The following ELAPOR2 variants were observed in gnomAD, a reference collection of about 807,000 sequenced individuals.
ELAPOR2 encodes the protein endosome-lysosome associated apoptosis and autophagy regulator family member 2.
ELAPOR2 carries 89 observed loss-of-function variants against 120.7 expected under a neutral mutation model. The ratio of observed to expected loss-of-function variants is 0.74; its 90% CI spans 0.62 to 0.88. ELAPOR2 has a LOEUF of 0.88. Ranked by LOEUF, ELAPOR2 falls within the 40% of genes least tolerant of loss-of-function variation. The pLI, the probability that ELAPOR2 is intolerant of heterozygous loss-of-function variation, is 0.00. For missense variants in ELAPOR2, 1,134 were observed against 1,251.6 expected, an observed-to-expected ratio of 0.91 and a Z score of 1.42; for synonymous variants, 444 against 444.9, an observed-to-expected ratio of 1.00 and a Z score of 0.03.
chr7:86,893,692 T>A (rs577774658), intron 19 of ELAPOR2, among the ~76,000 whole-genome samples: 1 of 152,152 alleles, frequency 6.6e-6, no homozygotes, highest in East Asian at 1.9e-4. Flanking sequence ...AAGGAGGGCA[T>A]TATTCTGGGT....
intron 1 of ELAPOR2, among the ~76,000 whole-genome samples, chr7:87,029,697 A>G (rs1794366916): frequency 6.6e-6 from 1 of 152,192 alleles, no homozygotes; most frequent in South Asian, 2.1e-4. Flanking sequence ...GCTTGTTCAA[A>G]TTATTCAAAT....
At chr7:86,937,606 G>T (rs1023635382) in intron 8 of ELAPOR2, among the ~76,000 whole-genome samples, 10 of 152,028 alleles carry the variant, frequency 6.6e-5, no homozygotes, top group African/African-American at 2.2e-4. Flanking sequence ...ACAGTAATCT[G>T]CCATAACCGA....
At chr7:86,955,590 A>G (rs536085329) in intron 2 of ELAPOR2, among the ~76,000 whole-genome samples, 2 of 152,258 alleles carry the variant, frequency 1.3e-5, no homozygotes, top group East Asian at 3.9e-4. Context: ...TTAAGAAGAT[A>G]TATTAGTATT....
chr7:86,974,783 TA>T lies in ELAPOR2; in HGVS notation c.190-9760del, dbSNP rs200333446. On this transcript the variant is annotated intron_variant, in intron 1 of 21. Transcript: ENST00000450689. ...TTCAGTTAACTGCTTTGCCAAGACA[TA>T]AAAAAAAATTCATATTTCTCCTTAC... 2.4e-4 allele frequency among the ~76,000 whole-genome samples: 36 copies of T among 151,602 alleles called. 1 individual carries two copies. The highest frequency in any genetic ancestry group is 4.2e-4 in the South Asian group (2 of 4,794).
chr7:87,059,227 A>T, intron 1 of ELAPOR2, 98 bp downstream of exon 1: 1 of 1,230,782 alleles, frequency 8.1e-7, no homozygotes, highest in Non-Finnish European at 1.0e-6. Flanking sequence ...GCAAAGGAAA[A>T]GGGGATGGCA....
chr7:86,905,795 A>G (rs954977640), intron 18 of ELAPOR2, among the ~76,000 whole-genome samples: 1 of 152,142 alleles, frequency 6.6e-6, no homozygotes, highest in African/African-American at 2.4e-5. Flanking sequence ...TTAAATAGAT[A>G]CCCCAAGGTA....
At position 87,012,215 on chromosome 7, in the gene ELAPOR2, T is replaced by G. The variant is rs542597658; in HGVS notation, c.189+47110A>C. Among the ~76,000 whole-genome samples the G allele has an allele frequency of 4.9e-4, 74 of 152,220 alleles. No individual in the cohort carries two copies. The South Asian group carries it at 5.0e-3, about 10-fold the overall frequency. ...TCACAAGGTCAGGAGATTGAGACCA[T>G]CCTGGCCAACATGGTGAAACCCTGT... is the stretch of plus-strand genomic sequence containing the variant. On this transcript the variant is annotated intron_variant, in intron 1 of 21. Coordinates refer to ENST00000450689, the MANE Select transcript of ELAPOR2 (RefSeq NM_001142749.3).
Position 86,947,908 on chromosome 7 carries a change from A to G in ELAPOR2, c.325T>C (p.Ser109Pro). ...RGKECTFSCA[S>P]GEYLEMKNQV... ...TTCTTCATTTCTAGATACTCTCCAGAAGCACAGGAGAAAGCTGGAAGGCAG... is the reference window on the plus strand; with the variant it reads ...TTCTTCATTTCTAGATACTCTCCAGGAGCACAGGAGAAAGCTGGAAGGCAG... The change falls in exon 3 of 22, where the codon TCT becomes CCT. Residue 109 changes from serine to proline, a missense_variant. Around this residue, in one of 3 missense-constraint regions of ELAPOR2, gnomAD observed 280 missense variants for 331.5 expected, o/e 0.84. Transcript: ENST00000450689. 6.4e-7 allele frequency: 1 copy of G among 1,551,602 alleles called. No individual in the cohort carries two copies. Among genetic ancestry groups the G allele is most frequent in the Non-Finnish European group, 8.7e-7 (1 of 1,146,614 alleles).
chr7:87,021,218 T>C (rs1425781036), intron 1 of ELAPOR2, among the ~76,000 whole-genome samples: 2 of 152,094 alleles, frequency 1.3e-5, no homozygotes, highest in Non-Finnish European at 2.9e-5. Context: ...AAAGAATCCA[T>C]GATCTCTGTA....
rs1795376494 is a variant in ELAPOR2 at position 87,059,632 on chromosome 7, C to T, written c.-119G>A. On this transcript the variant is annotated 5_prime_UTR_variant, in exon 1 of 22. Coordinates refer to ENST00000450689, the MANE Select transcript of ELAPOR2 (RefSeq NM_001142749.3). ...CGTCTCGCCGCTCCGTCACCCGCTG[C>T]CCGTCCGCCCGCTGACAGCTCTGCT... 15 of 1,043,148 alleles carry T rather than the reference C, an allele frequency of 1.4e-5. No individual in the cohort carries two copies. The highest frequency in any genetic ancestry group is 5.2e-5 in the Admixed American group (1 of 19,280). 64.6% of individuals were successfully genotyped at this position (1,043,148 alleles called of 1,614,324 possible).
intron 10 of ELAPOR2, chr7:86,919,741 C>G (rs944581855): frequency 6.5e-6 from 1 of 152,964 alleles, no homozygotes; most frequent in Non-Finnish European, 1.5e-5. Flanking sequence ...AATTTAACCC[C>G]TGTTCTGCAT....
chr7:86,974,037 A>G (rs1336568784), intron 1 of ELAPOR2, among the ~76,000 whole-genome samples: 1 of 152,038 alleles, frequency 6.6e-6, no homozygotes, highest in African/African-American at 2.4e-5. Context: ...GGGTAATAGT[A>G]ATTTTCTTTT....
chr7:86,911,763 G>T, intron 15 of ELAPOR2: 1 of 517,366 alleles, frequency 1.9e-6, no homozygotes, highest in Non-Finnish European at 3.7e-6. Flanking sequence ...GCCTAAAGAG[G>T]TAAGATTGAC....
chr7:87,041,855 T>G (rs1014578653), intron 1 of ELAPOR2, among the ~76,000 whole-genome samples: 1 of 151,824 alleles, frequency 6.6e-6, no homozygotes, highest in Non-Finnish European at 1.5e-5. Flanking sequence ...GTGTGCTGTA[T>G]TCAGGAAACC....
intron 21 of ELAPOR2, among the ~76,000 whole-genome samples, chr7:86,886,722 T>C (rs1425550458): frequency 6.6e-6 from 1 of 152,144 alleles, no homozygotes; most frequent in East Asian, 1.9e-4. Context: ...CTTGCCCCAG[T>C]GGCATGTAGG....
chr7:87,010,253 T>G (rs895654221), intron 1 of ELAPOR2, among the ~76,000 whole-genome samples: 1 of 152,202 alleles, frequency 6.6e-6, no homozygotes, highest in Non-Finnish European at 1.5e-5. Flanking sequence ...AGCTTTCCAG[T>G]TGGAAATCTT....
At position 86,893,019 on chromosome 7, in the gene ELAPOR2, T is replaced by C. The variant is rs753111108; in HGVS notation, c.2767A>G (p.Thr923Ala). Residue 923 changes from threonine (T) to alanine (A), a missense_variant, in exon 20 of 22, where the codon ACG (threonine) becomes GCG (alanine). Transcript: ENST00000450689. Reference protein sequence around the residue: ...LPEKKLATCETVDFWLKVGAG... With the variant: ...LPEKKLATCEAVDFWLKVGAG... ...CCCACCTTCAGCCAAAAGTCAACCG[T>C]TTCACAGGTTGCCAACTTTTTCTCA... The C allele has an allele frequency of 1.9e-6, 3 of 1,585,844 alleles. No individual in the cohort carries two copies. Among genetic ancestry groups the C allele is most frequent in the African/African-American group, 2.8e-5 (2 of 72,046 alleles).
At chr7:87,058,115 C>G (rs1404040454) in intron 1 of ELAPOR2, among the ~76,000 whole-genome samples, 1 of 152,234 alleles carries the variant, frequency 6.6e-6, no homozygotes, top group African/African-American at 2.4e-5. Flanking sequence ...CGCACACAAG[C>G]CTTTGATCCG....
At chr7:87,040,364 T>C (rs1443465843) in intron 1 of ELAPOR2, among the ~76,000 whole-genome samples, 1 of 152,184 alleles carries the variant, frequency 6.6e-6, no homozygotes, top group African/African-American at 2.4e-5. Context: ...CAGACTTAAA[T>C]GTCCCTGTCT....
Sources: gnomAD v4.1 joint callset for allele counts (sites outside exome capture counted in the v4.1 genomes callset) on GRCh38, gnomAD v4.1.1 for gene constraint, gnomAD v4.1.1 regional missense constraint, MANE v1.5 for transcripts, NCBI Gene and HGNC (gene_info 2026-07-23, HGNC 2026-07-21) for gene names.